The following SNX18 variants were observed in gnomAD, a reference collection of about 807,000 sequenced individuals.
The protein encoded by SNX18 is sorting nexin 18, also known as sorting nexin-18.
Under a neutral mutation model 48.7 loss-of-function variants are expected in SNX18, and 35 were observed. That is an observed-to-expected ratio of 0.72 (90% CI 0.55 to 0.95). The LOEUF is 0.95. SNX18 is among the 40% of genes least tolerant of loss of function. The pLI is 0.00. For missense variants in SNX18, 824 were observed against 871.0 expected (o/e 0.95, Z 0.68); for synonymous variants, 492 against 384.7 (o/e 1.28, Z -3.26).
At chr5:54,533,635 G>C (rs1313076021) in intron 1 of SNX18, among the ~76,000 whole-genome samples, 1 of 152,178 alleles carries the variant, frequency 6.6e-6, no homozygotes, top group East Asian at 1.9e-4. Context: ...TTCACTTTCT[G>C]CCTCTGAAAA....
chr5:54,579,648 A>G, the SNX18 span, among the ~76,000 whole-genome samples: 1 of 152,210 alleles, frequency 6.6e-6, no homozygotes, highest in Non-Finnish European at 1.5e-5. Context: ...ACAGGAATAC[A>G]GAGAGAAGTA....
the SNX18 span, among the ~76,000 whole-genome samples, chr5:54,562,275 C>A: frequency 6.6e-6 from 1 of 152,104 alleles, no homozygotes; most frequent in Non-Finnish European, 1.5e-5. Context: ...TCTTCAGAAC[C>A]TTTTCTTAAT....
intron 1 of SNX18, among the ~76,000 whole-genome samples, chr5:54,530,474 A>G (rs1395308042): frequency 2.6e-5 from 4 of 152,176 alleles, no homozygotes; most frequent in Non-Finnish European, 2.9e-5. Flanking sequence ...TTCTTACGCT[A>G]CAATATATAA....
At chr5:54,564,008 C>T in the SNX18 span, among the ~76,000 whole-genome samples, 3 of 152,098 alleles carry the variant, frequency 2.0e-5, no homozygotes, top group East Asian at 3.9e-4. Context: ...AGGCTGAGCA[C>T]GGTGGCTCAT....
chr5:54,642,110 C>T, the SNX18 span, among the ~76,000 whole-genome samples: 1 of 152,148 alleles, frequency 6.6e-6, no homozygotes, highest in African/African-American at 2.4e-5. Context: ...AGCAGCAGCA[C>T]AGCGGATCAT....
At chr5:54,583,559 C>T in the SNX18 span, among the ~76,000 whole-genome samples, 14 of 152,178 alleles carry the variant, frequency 9.2e-5, no homozygotes, top group African/African-American at 2.9e-4. Flanking sequence ...AACCTGGGCC[C>T]AGATTTTACT....
the SNX18 span, among the ~76,000 whole-genome samples, chr5:54,578,540 G>C: frequency 6.6e-6 from 1 of 152,162 alleles, no homozygotes; most frequent in Non-Finnish European, 1.5e-5. Context: ...TTAATTAAAG[G>C]TCATGAAGAC....
At chr5:54,586,335 C>T in the SNX18 span, among the ~76,000 whole-genome samples, 9 of 152,016 alleles carry the variant, frequency 5.9e-5, no homozygotes, top group Admixed American at 1.3e-4. Flanking sequence ...TGCAGCCTGG[C>T]GTGATGATGC....
chr5:54,598,938 A>G, the SNX18 span, among the ~76,000 whole-genome samples: 2 of 152,236 alleles, frequency 1.3e-5, no homozygotes, highest in Non-Finnish European at 2.9e-5. Context: ...GAGGAAGTCA[A>G]AATGTCTTTG....
rs188124001 is a variant in SNX18 at position 54,532,649 on chromosome 5, A to G, written c.1622-10530A>G. Reference sequence around the variant, plus strand: ...ATCAACATTGCCACCATACCCAAAAACACTTCTCAAATAAAGACACTGTGT... The same window carrying G: ...ATCAACATTGCCACCATACCCAAAAGCACTTCTCAAATAAAGACACTGTGT... On this transcript the variant is annotated intron_variant, in intron 1 of 1. Transcript: ENST00000381410. Among the ~76,000 whole-genome samples the G allele has an allele frequency of 2.6e-5, 4 of 152,280 alleles. No homozygotes were observed. The East Asian group carries it at 7.7e-4, about 29-fold the overall frequency.
the SNX18 span, among the ~76,000 whole-genome samples, chr5:54,590,656 G>A: frequency 6.6e-6 from 1 of 152,068 alleles, no homozygotes; most frequent in Non-Finnish European, 1.5e-5. Context: ...AACCTATTTA[G>A]ATATCCAACT....
chr5:54,640,544 C>T, the SNX18 span, among the ~76,000 whole-genome samples: 1 of 152,194 alleles, frequency 6.6e-6, no homozygotes, highest in Non-Finnish European at 1.5e-5. Context: ...TCATCTTACG[C>T]TCTGGCCTAC....
At chr5:54,608,590 C>T in the SNX18 span, among the ~76,000 whole-genome samples, 1 of 152,048 alleles carries the variant, frequency 6.6e-6, no homozygotes, top group East Asian at 1.9e-4. Context: ...CAAGTACTTA[C>T]TGGGATATGG....
At chr5:54,596,253 A>C in the SNX18 span, among the ~76,000 whole-genome samples, 1 of 152,184 alleles carries the variant, frequency 6.6e-6, no homozygotes, top group Non-Finnish European at 1.5e-5. Flanking sequence ...TGAAAAAGGA[A>C]TTGTATAATA....
At chr5:54,600,157 G>A in the SNX18 span, among the ~76,000 whole-genome samples, 3 of 152,084 alleles carry the variant, frequency 2.0e-5, no homozygotes, top group Non-Finnish European at 2.9e-5. Context: ...TCATTAAAAG[G>A]TGGGCAAAGG....
downstream of SNX18, among the ~76,000 whole-genome samples, chr5:54,551,558 C>T (rs1349259499): frequency 2.0e-5 from 3 of 152,186 alleles, no homozygotes; most frequent in South Asian, 2.1e-4. Context: ...ATGATACTGC[C>T]GTTACGTTCA....
the SNX18 span, chr5:54,645,458 TAAGTTAGA>T: frequency 2.1e-4 from 32 of 152,130 alleles, no homozygotes; most frequent in Non-Finnish European, 4.0e-4. Flanking sequence ...GGCTAGGGAG[TAAGTTAGA>T]GAAAACTTCT....
At chr5:54,575,166 T>C in the SNX18 span, among the ~76,000 whole-genome samples, 60 of 152,168 alleles carry the variant, frequency 3.9e-4, no homozygotes, top group Admixed American at 3.5e-3. Flanking sequence ...ACATGTGCCT[T>C]GGGAGTCCTG....
At chr5:54,591,685 G>A in the SNX18 span, among the ~76,000 whole-genome samples, 4 of 152,224 alleles carry the variant, frequency 2.6e-5, no homozygotes, top group African/African-American at 9.7e-5. Flanking sequence ...CCCTTTCGAA[G>A]TTAGGTGTAA....
Sources: gnomAD v4.1 joint callset for allele counts (sites outside exome capture counted in the v4.1 genomes callset) on GRCh38, gnomAD v4.1.1 for gene constraint, MANE v1.5 for transcripts, NCBI Gene and HGNC (gene_info 2026-07-23, HGNC 2026-07-21) for gene names.